Variants in CCDC7 observed in about 807,000 individuals in gnomAD.
CCDC7 encodes the protein coiled-coil domain containing 7.
CCDC7 carries 183 observed loss-of-function variants against 196.9 expected under a neutral mutation model. The ratio of observed to expected loss-of-function variants is 0.93; its 90% CI spans 0.82 to 1.05. The LOEUF (loss-of-function observed/expected upper bound fraction) is 1.05. Among genes scored for constraint, CCDC7 ranks in the 50% least tolerant of loss-of-function variants. CCDC7 has a pLI of 0.00. For missense variants in CCDC7, 1,540 were observed against 1,482.2 expected, an observed-to-expected ratio of 1.04 and a Z score of -0.64; for synonymous variants, 525 against 484.6, an observed-to-expected ratio of 1.08 and a Z score of -1.10.
chr10:32,517,766 TATAATA>T (rs1389483226), intron 9 of CCDC7, among the ~76,000 whole-genome samples, 173 bp from the exon 11 acceptor site: 4 of 149,758 alleles, frequency 2.7e-5, no homozygotes. Flanking sequence ...AAACTTAAAG[TATAATA>T]ATAATAAAAT....
chr10:32,696,864 G>C (rs1044510150), intron 24 of CCDC7, among the ~76,000 whole-genome samples: 1 of 152,042 alleles, frequency 6.6e-6, no homozygotes. Flanking sequence ...ACATGTACAG[G>C]CCATTGCTTA....
At chr10:32,872,632 A>C (rs371738824) in intron 41 of CCDC7, among the ~76,000 whole-genome samples, 4 of 151,226 alleles carry the variant, frequency 2.6e-5, no homozygotes, top group East Asian at 1.9e-4. Flanking sequence ...TCTTCCTAGC[A>C]TCGATGGTCT....
chr10:32,469,534 T>G (rs1397459896), intron 5 of CCDC7, among the ~76,000 whole-genome samples: 38 of 152,158 alleles, frequency 2.5e-4, no homozygotes, highest in Admixed American at 2.5e-3. Flanking sequence ...CTGCCCTCTG[T>G]GATGCTAGGA....
chr10:32,663,443 A>G (rs1055844682), intron 20 of CCDC7, among the ~76,000 whole-genome samples: 2 of 152,240 alleles, frequency 1.3e-5, no homozygotes, highest in South Asian at 4.1e-4. Flanking sequence ...CTGTGTTTCA[A>G]TTTCTAAAAG....
At chr10:32,668,280 G>T (rs1338691185) in intron 21 of CCDC7, among the ~76,000 whole-genome samples, 1 of 152,114 alleles carries the variant, frequency 6.6e-6, no homozygotes, top group Non-Finnish European at 1.5e-5. Context: ...CAGAGATGAT[G>T]GGGTTTTCTA....
intron 20 of CCDC7, among the ~76,000 whole-genome samples, chr10:32,642,815 T>C (rs11812550): frequency 0.053 from 8,082 of 152,234 alleles, 719 homozygotes; most frequent in African/African-American, 0.18. Flanking sequence ...CTCATTTAGT[T>C]CTTAAAAAGA....
At chr10:32,710,990 A>G (rs1488724952) in intron 24 of CCDC7, among the ~76,000 whole-genome samples, 1 of 152,206 alleles carries the variant, frequency 6.6e-6, no homozygotes, top group East Asian at 1.9e-4. Flanking sequence ...ATGTATCAGC[A>G]TAGATGGGAG....
intron 11 of CCDC7, among the ~76,000 whole-genome samples, chr10:32,539,953 GC>G (rs2051132719): frequency 6.6e-6 from 1 of 152,064 alleles, no homozygotes; most frequent in African/African-American, 2.4e-5. Flanking sequence ...TGGAGTATGT[GC>G]TATGTCGTGA....
At chr10:32,666,134 T>C (rs984146777) in intron 21 of CCDC7, among the ~76,000 whole-genome samples, 3 of 150,994 alleles carry the variant, frequency 2.0e-5, no homozygotes, top group Non-Finnish European at 4.4e-5. Context: ...TTTTTTTTTT[T>C]TTCATTGACA....
intron 18 of CCDC7, among the ~76,000 whole-genome samples, chr10:32,624,147 T>C (rs796334629): frequency 3.3e-5 from 5 of 152,186 alleles, no homozygotes; most frequent in African/African-American, 9.6e-5. Context: ...TATCAAAATA[T>C]ATAAAAAATT....
intron 41 of CCDC7, among the ~76,000 whole-genome samples, chr10:32,870,784 T>G (rs1170327756): frequency 6.6e-6 from 1 of 152,126 alleles, no homozygotes; most frequent in East Asian, 1.9e-4. Flanking sequence ...AATACCTAAT[T>G]TATTGAGTTT....
intron 9 of CCDC7, among the ~76,000 whole-genome samples, chr10:32,515,647 C>T (rs2046901321): frequency 6.6e-6 from 1 of 151,964 alleles, no homozygotes; most frequent in African/African-American, 2.4e-5. Context: ...GGGTTCACGC[C>T]ATTCTTCTGC....
chr10:32,534,805 A>G (rs1206618900), intron 11 of CCDC7, among the ~76,000 whole-genome samples: 1 of 152,104 alleles, frequency 6.6e-6, no homozygotes, highest in Non-Finnish European at 1.5e-5. Context: ...TGGTCAAGTT[A>G]CAGAGTTTCC....
intron 1 of CCDC7, chr10:32,446,626 A>G (rs2031130238): frequency 1.3e-5 from 2 of 152,180 alleles, no homozygotes; most frequent in Admixed American, 1.3e-4. Context: ...AGGATTTGAA[A>G]TGAATGTAAG....
At chr10:32,691,778 G>A (rs969639388) in intron 23 of CCDC7, among the ~76,000 whole-genome samples, 4 of 152,194 alleles carry the variant, frequency 2.6e-5, no homozygotes, top group Non-Finnish European at 2.9e-5. Context: ...ACAGCGGAGT[G>A]CCTCAAGGGG....
rs540578192 is a variant in CCDC7 at position 32,477,645 on chromosome 10, C to G, written c.796+3622C>G. Among the ~76,000 whole-genome samples the G allele has an allele frequency of 3.5e-3, 529 of 151,762 alleles. 1 individual carries two copies. The highest frequency in any genetic ancestry group is 4.9e-3 in the Non-Finnish European group (335 of 67,970). On this transcript the variant is annotated intron_variant, in intron 8 of 41. Coordinates refer to ENST00000639629, the Ensembl canonical transcript of CCDC7. ...TCATTGAGTTGCCTTTGTTCCTTTGCCAAAGATCAGTTGCGTATATTTGTG... is the reference window on the plus strand; with the variant it reads ...TCATTGAGTTGCCTTTGTTCCTTTGGCAAAGATCAGTTGCGTATATTTGTG...
chr10:32,618,491 G>A (rs1352024677), intron 18 of CCDC7, among the ~76,000 whole-genome samples: 1 of 151,906 alleles, frequency 6.6e-6, no homozygotes, highest in Non-Finnish European at 1.5e-5. Flanking sequence ...GACCAGTCCA[G>A]TCACCAAAAA....
intron 39 of CCDC7, among the ~76,000 whole-genome samples, chr10:32,851,439 A>G (rs1381911865): frequency 6.6e-6 from 1 of 152,160 alleles, no homozygotes; most frequent in East Asian, 1.9e-4. Flanking sequence ...TTGATCTTAC[A>G]TTGTTAAGAC....
intron 24 of CCDC7, among the ~76,000 whole-genome samples, chr10:32,703,249 G>T (rs61856562): frequency 6.6e-6 from 1 of 151,994 alleles, no homozygotes; most frequent in African/African-American, 2.4e-5. Flanking sequence ...GTTTGTAAAG[G>T]ATTTTATTTC....
Sources: gnomAD v4.1 joint callset for allele counts (sites outside exome capture counted in the v4.1 genomes callset) on GRCh38, gnomAD v4.1.1 for gene constraint, MANE v1.5 for transcripts, NCBI Gene and HGNC (gene_info 2026-07-23, HGNC 2026-07-21) for gene names.